The following THSD7B variants were observed in gnomAD, a reference collection of about 807,000 sequenced individuals.
THSD7B encodes thrombospondin type 1 domain containing 7B.
Under a neutral mutation model 213.6 loss-of-function variants are expected in THSD7B, and 138 were observed. The observed-to-expected ratio is 0.65, with a 90% CI of 0.56 to 0.74. The LOEUF is 0.74. THSD7B is among the 30% of genes least tolerant of loss of function. The pLI is 0.00. For missense variants in THSD7B, 1,931 were observed against 1,991.5 expected (o/e 0.97, Z 0.58); for synonymous variants, 742 against 687.0 (o/e 1.08, Z -1.25).
At chr2:136,828,072 G>T (rs995258671) in intron 1 of THSD7B, among the ~76,000 whole-genome samples, 1 of 151,882 alleles carries the variant, frequency 6.6e-6, no homozygotes, top group East Asian at 1.9e-4. Context: ...GAAGATTGGG[G>T]TATACTTTAC....
intron 12 of THSD7B, among the ~76,000 whole-genome samples, chr2:137,399,283 C>T (rs56344936): frequency 6.6e-6 from 1 of 151,106 alleles, no homozygotes; most frequent in Admixed American, 6.6e-5. Flanking sequence ...GCATCCACCT[C>T]CTGGATTCAA....
intron 1 of THSD7B, among the ~76,000 whole-genome samples, chr2:136,800,178 A>G (rs1054123401): frequency 6.6e-6 from 1 of 152,180 alleles, no homozygotes; most frequent in East Asian, 1.9e-4. Context: ...TTCTATAATC[A>G]TTTACAGAGG....
intron 14 of THSD7B, among the ~76,000 whole-genome samples, chr2:137,425,074 A>AAAC (rs1687020765): frequency 1.3e-5 from 1 of 77,864 alleles, no homozygotes; most frequent in African/African-American, 3.6e-5. Context: ...TCTGTCTCAA[A>AAAC]AATAATAATA....
chr2:137,114,596 T>C (rs1305160187), intron 4 of THSD7B, among the ~76,000 whole-genome samples: 1 of 152,226 alleles, frequency 6.6e-6, no homozygotes, highest in Non-Finnish European at 1.5e-5. Context: ...TATACTTTTA[T>C]GTGAATGACA....
chr2:136,901,517 C>T (rs1684062632), intron 2 of THSD7B, among the ~76,000 whole-genome samples: 1 of 152,122 alleles, frequency 6.6e-6, no homozygotes, highest in South Asian at 2.1e-4. Flanking sequence ...CTAAAGGATG[C>T]TAATGAGATG....
At chr2:137,179,790 T>C (rs1680420467) in intron 7 of THSD7B, among the ~76,000 whole-genome samples, 1 of 152,128 alleles carries the variant, frequency 6.6e-6, no homozygotes, top group South Asian at 2.1e-4. Context: ...ACCTTGATGG[T>C]AATTTGCTTC....
chr2:137,558,118 G>A (rs1191110233), intron 15 of THSD7B, among the ~76,000 whole-genome samples: 21 of 152,168 alleles, frequency 1.4e-4, no homozygotes, highest in Middle Eastern at 3.4e-3. Flanking sequence ...ATTCACAGCC[G>A]AATTCTACCA....
intron 27 of THSD7B, among the ~76,000 whole-genome samples, chr2:137,672,702 A>G (rs114537671): frequency 0.014 from 2,079 of 152,316 alleles, 46 homozygotes; most frequent in African/African-American, 0.047. Context: ...GAGAACTGCT[A>G]TAATATGCCA....
intron 15 of THSD7B, among the ~76,000 whole-genome samples, chr2:137,494,210 T>G: frequency 6.6e-6 from 1 of 152,182 alleles, no homozygotes; most frequent in East Asian, 1.9e-4. Context: ...GAGCATAGTA[T>G]GCTGAATGAA....
At chr2:137,131,862 G>T (rs1014342632) in intron 5 of THSD7B, among the ~76,000 whole-genome samples, 14 of 152,074 alleles carry the variant, frequency 9.2e-5, no homozygotes, top group Non-Finnish European at 1.8e-4. Context: ...TGGCAATGTG[G>T]GCTCTTTTTT....
intron 27 of THSD7B, among the ~76,000 whole-genome samples, chr2:137,674,574 A>G (rs1683653273): frequency 6.6e-6 from 1 of 152,206 alleles, no homozygotes; most frequent in Non-Finnish European, 1.5e-5. Context: ...GTATAATTAG[A>G]GTCACTGGAA....
chr2:137,289,552 G>A (rs1335462033), intron 12 of THSD7B, among the ~76,000 whole-genome samples: 2 of 151,874 alleles, frequency 1.3e-5, no homozygotes, highest in Admixed American at 6.6e-5. Context: ...AAATAATTGT[G>A]TAAACAAAGA....
chr2:137,016,177 T>TG (rs1016290225), intron 2 of THSD7B, among the ~76,000 whole-genome samples: 7 of 152,000 alleles, frequency 4.6e-5, no homozygotes, highest in African/African-American at 1.4e-4. Context: ...AATTGAGGCT[T>TG]GGGGGGTGAG....
rs143674736 is a variant in THSD7B at position 137,197,953 on chromosome 2, C to A, written c.1723+27015C>A. 4.1e-3 allele frequency among the ~76,000 whole-genome samples: 619 copies of A among 152,234 alleles called. 4 individuals carry two copies. Among genetic ancestry groups the A allele is most frequent in the African/African-American group, 0.012 (495 of 41,552 alleles). The stretch of plus-strand genomic sequence containing the variant: ...CCTATTCCGCACACACTCATGCACA[C>A]GTGTATGCATGTGCACAGTATGTGT... On this transcript the variant is annotated intron_variant, in intron 7 of 27. Coordinates refer to ENST00000409968, the MANE Select transcript of THSD7B (RefSeq NM_001316349.2).
intron 15 of THSD7B, among the ~76,000 whole-genome samples, chr2:137,466,562 ATTC>A (rs1220062349): frequency 1.9e-4 from 29 of 152,056 alleles, no homozygotes; most frequent in African/African-American, 5.1e-4. Flanking sequence ...GCCCAAGACA[ATTC>A]TTCTTCCAAT....
chr2:137,097,628 T>G (rs1459151912), intron 4 of THSD7B, among the ~76,000 whole-genome samples: 1 of 152,124 alleles, frequency 6.6e-6, no homozygotes, highest in Non-Finnish European at 1.5e-5. Context: ...TGGAAAGAAA[T>G]AATTCAGGAT....
At chr2:137,093,283 A>T (rs1687985742) in intron 3 of THSD7B, among the ~76,000 whole-genome samples, 1 of 152,154 alleles carries the variant, frequency 6.6e-6, no homozygotes. Context: ...CTCGCACTTT[A>T]TGCTTCAGGA....
intron 15 of THSD7B, among the ~76,000 whole-genome samples, chr2:137,547,319 A>G (rs1482236068): frequency 6.6e-6 from 1 of 152,028 alleles, no homozygotes; most frequent in Non-Finnish European, 1.5e-5. Context: ...TTAAGTGTTC[A>G]TACTTTCAAA....
At chr2:137,262,677 A>T (rs1465725702) in intron 10 of THSD7B, among the ~76,000 whole-genome samples, 2 of 152,086 alleles carry the variant, frequency 1.3e-5, no homozygotes, top group African/African-American at 4.8e-5. Flanking sequence ...TTTGTTTTCT[A>T]TTGCTTGGTT....
Sources: allele counts gnomAD v4.1 joint callset (sites outside exome capture counted in the v4.1 genomes callset), GRCh38; gene constraint gnomAD v4.1.1; transcripts MANE v1.5; gene names NCBI Gene and HGNC (gene_info 2026-07-23, HGNC 2026-07-21).